The following CASR variants were observed in gnomAD, a reference collection of about 807,000 sequenced individuals.
The protein encoded by CASR is extracellular calcium-sensing receptor.
Under a neutral mutation model 69.1 loss-of-function variants are expected in CASR, and 23 were observed. The observed-to-expected ratio is 0.33, with a 90% CI of 0.24 to 0.47. CASR has a LOEUF of 0.47. CASR is among the 20% of genes least tolerant of loss of function. The pLI, the probability that CASR is intolerant of heterozygous loss-of-function variation, is 1.00. For missense variants in CASR, 924 were observed against 1,356.1 expected, an observed-to-expected ratio of 0.68 and a Z score of 5.00; for synonymous variants, 541 against 544.7, an observed-to-expected ratio of 0.99 and a Z score of 0.10.
intron 3 of CASR, among the ~76,000 whole-genome samples, chr3:122,260,401 A>G (rs1413682629): frequency 6.6e-6 from 1 of 152,242 alleles, no homozygotes; most frequent in East Asian, 1.9e-4. Context: ...GCTATGTCTT[A>G]GAGAGTGCAA....
At chr3:122,230,578 G>T (rs925105372) in intron 1 of CASR, among the ~76,000 whole-genome samples, 2 of 152,214 alleles carry the variant, frequency 1.3e-5, no homozygotes, top group African/African-American at 4.8e-5. Context: ...TCTGTAGGTG[G>T]GAGGTGGGAT....
At chr3:122,197,747 G>A (rs748021835) in intron 1 of CASR, among the ~76,000 whole-genome samples, 2 of 152,120 alleles carry the variant, frequency 1.3e-5, no homozygotes, top group Non-Finnish European at 2.9e-5. Context: ...GCTTCAAGAT[G>A]TCCTTGCAGA....
intron 1 of CASR, among the ~76,000 whole-genome samples, chr3:122,248,759 T>C (rs2074453630): frequency 1.3e-5 from 2 of 152,148 alleles, no homozygotes; most frequent in Admixed American, 6.5e-5. Flanking sequence ...GCTCTAGAGA[T>C]TCACAATTTC....
rs563984384 is a variant in CASR at position 122,243,954 on chromosome 3, T to C, written c.-242-9994T>C. On this transcript the variant is annotated intron_variant, in intron 1 of 6. Coordinates refer to ENST00000639785, the MANE Select transcript of CASR (RefSeq NM_000388.4). Reference sequence around the variant, plus strand: ...ATGGACTTTGCATGTTCTAACTTATTTGTGAGAGCTAAAAATTAAAACAAT... The same window carrying C: ...ATGGACTTTGCATGTTCTAACTTATCTGTGAGAGCTAAAAATTAAAACAAT... Among the ~76,000 whole-genome samples, 19 of 152,234 alleles carry C rather than the reference T, an allele frequency of 1.2e-4. No individual in the cohort carries two copies. The South Asian group carries it at 3.7e-3, about 30-fold the overall frequency.
intron 1 of CASR, among the ~76,000 whole-genome samples, chr3:122,233,282 C>T (rs2074296977): frequency 6.6e-6 from 1 of 152,238 alleles, no homozygotes; most frequent in South Asian, 2.1e-4. Flanking sequence ...TATGTCCTGT[C>T]CAAGCACAGG....
chr3:122,203,289 G>A (rs1456122405), intron 1 of CASR, among the ~76,000 whole-genome samples: 1 of 152,214 alleles, frequency 6.6e-6, no homozygotes, highest in Non-Finnish European at 1.5e-5. Flanking sequence ...AGGAGAGACA[G>A]TCATGGGTTG....
Position 122,257,519 on chromosome 3 carries a change from A to C in CASR, c.492+132A>C, listed in dbSNP as rs1201537571. 3 of 643,594 alleles carry C rather than the reference A, an allele frequency of 4.7e-6. No individual in the cohort carries two copies. In the Admixed American group the frequency reaches 8.5e-5, roughly 18 times the overall value. 39.9% of individuals were successfully genotyped at this position (643,594 alleles called of 1,614,324 possible). On this transcript the variant is annotated intron_variant, in intron 3 of 6. Coordinates refer to ENST00000639785, the MANE Select transcript of CASR (RefSeq NM_000388.4). ...ACAAAAGACCTATGATTTAGTTGAT[A>C]TGCTGTATCATGACCATTTGGGATT...
intron 4 of CASR, among the ~76,000 whole-genome samples, chr3:122,269,423 A>T (rs185377282): frequency 3.2e-4 from 48 of 152,330 alleles, no homozygotes; most frequent in Non-Finnish European, 5.9e-4. Context: ...TTTTATCAGG[A>T]ATGGAGGTTG....
chr3:122,242,701 G>C (rs903932141), intron 1 of CASR, among the ~76,000 whole-genome samples: 1 of 152,088 alleles, frequency 6.6e-6, no homozygotes, highest in African/African-American at 2.4e-5. Flanking sequence ...AACCACAAAA[G>C]ACCCAGAATA....
In CASR at chr3:122,284,539, T is replaced by C. The variant is rs201328344; in HGVS notation, c.2585T>C (p.Phe862Ser). ...TTCAACAAGATCTACATCATTCTCT[T>C]CAAGCCATCCCGCAACACCATCGAG... ...IFFNKIYIILFKPSRNTIEEV... is the reference protein window; with the variant it reads ...IFFNKIYIILSKPSRNTIEEV... The change falls in exon 7 of 7, where the codon TTC becomes TCC. Residue 862 changes from phenylalanine to serine, a missense_variant. Coordinates refer to ENST00000639785, the MANE Select transcript of CASR (RefSeq NM_000388.4). 4.2e-5 allele frequency: 67 copies of C among 1,613,808 alleles called. No homozygotes were observed. The South Asian group carries it at 6.6e-4, about 16-fold the overall frequency.
At position 122,275,876 on chromosome 3, in the gene CASR, A is replaced by C; in HGVS notation, c.1442A>C (p.Glu481Ala). ...NNMGEQVTFD[E>A]CGDLVGNYSI... The stretch of plus-strand genomic sequence containing the variant: ...ATGGGGGAGCAGGTGACCTTTGATG[A>C]GTGTGGTGACCTGGTGGGGAACTAT... The change falls in exon 5 of 7, where the codon GAG becomes GCG. Residue 481 changes from glutamate (E) to alanine (A), a missense_variant. Glu to Ala is a moderately radical substitution (Grantham distance 107). This residue lies in a region of CASR where 310 missense variants were observed against 395.7 expected (regional missense o/e 0.78). Transcript: ENST00000639785. The C allele has an allele frequency of 6.2e-7, 1 of 1,614,110 alleles. No individual in the cohort carries two copies. The highest frequency in any genetic ancestry group is 8.5e-7 in the Non-Finnish European group (1 of 1,179,958).
chr3:122,248,390 T>C (rs190375413), intron 1 of CASR, among the ~76,000 whole-genome samples: 187 of 152,278 alleles, frequency 1.2e-3, no homozygotes, highest in Non-Finnish European at 1.9e-3. Context: ...TTCAGGTTTA[T>C]TTTTCCTGTT....
chr3:122,258,978 C>T (rs935120337), intron 3 of CASR, among the ~76,000 whole-genome samples: 3 of 151,992 alleles, frequency 2.0e-5, no homozygotes, highest in Non-Finnish European at 4.4e-5. Flanking sequence ...GTATGCCAGC[C>T]ACGCCACCAA....
intron 1 of CASR, among the ~76,000 whole-genome samples, chr3:122,210,328 C>G (rs1015537148): frequency 6.6e-6 from 1 of 152,112 alleles, no homozygotes; most frequent in African/African-American, 2.4e-5. Context: ...GATCCTATAT[C>G]TAGAAAACCC....
intron 2 of CASR, among the ~76,000 whole-genome samples, chr3:122,256,445 A>G (rs1299967133): frequency 6.6e-6 from 1 of 152,088 alleles, no homozygotes; most frequent in Non-Finnish European, 1.5e-5. Flanking sequence ...ACAGATACAA[A>G]TTATTCAATG....
chr3:122,283,591 C>T, intron 6 of CASR, 96 bp from the exon 7 acceptor site: 1 of 959,330 alleles, frequency 1.0e-6, no homozygotes, highest in South Asian at 1.3e-5. Context: ...GTAGTGACCA[C>T]ATCCAAAAAA....
chr3:122,261,951 G>C lies in CASR; in HGVS notation c.916G>C (p.Ala306Pro). Reference protein sequence around the residue: ...SEAWASSSLIAMPQYFHVVGG... With the variant: ...SEAWASSSLIPMPQYFHVVGG... ...GGCCTGGGCCAGCTCCTCCCTGATC[G>C]CCATGCCTCAGTACTTCCACGTGGT... The change falls in exon 4 of 7, where the codon GCC (alanine) becomes CCC (proline). Residue 306 changes from alanine to proline, a missense_variant. Physicochemically the swap from Ala to Pro is conservative, Grantham distance 27. Coordinates refer to ENST00000639785, the MANE Select transcript of CASR (RefSeq NM_000388.4). 1 of 1,614,054 alleles carries C rather than the reference G, an allele frequency of 6.2e-7. No homozygotes were observed. Among genetic ancestry groups the C allele is most frequent in the Non-Finnish European group, 8.5e-7 (1 of 1,179,928 alleles).
intron 1 of CASR, among the ~76,000 whole-genome samples, chr3:122,219,384 C>T (rs1340519018): frequency 2.6e-5 from 4 of 152,146 alleles, no homozygotes; most frequent in Non-Finnish European, 2.9e-5. Flanking sequence ...GGCATGATTC[C>T]GTTGCATAAG....
In CASR at chr3:122,261,572, A is replaced by G. The variant is rs200129212; in HGVS notation, c.537A>G (p.Gln179=). The G allele has an allele frequency of 4.2e-4, 671 of 1,614,194 alleles. 4 individuals are homozygous for G. In the South Asian group the frequency reaches 7.0e-3, roughly 17 times the overall value. ...GCAGACTCCTCAGCAACAAGAATCA[A>G]TTCAAGTCTTTCCTCCGAACCATCC... ...SSSRLLSNKN[Q]FKSFLRTIPN... is the part of the protein sequence containing the mutation. The change falls in exon 4 of 7, where the codon CAA becomes CAG. Residue 179 remains glutamine (Q), a synonymous_variant. Coordinates refer to ENST00000639785, the MANE Select transcript of CASR (RefSeq NM_000388.4).
Sources: allele counts gnomAD v4.1 joint callset (sites outside exome capture counted in the v4.1 genomes callset), GRCh38; gene constraint gnomAD v4.1.1; regional missense constraint gnomAD v4.1.1; transcripts MANE v1.5; gene names NCBI Gene and HGNC (gene_info 2026-07-23, HGNC 2026-07-21).